MLLT3: variants seen among roughly 807,000 people sequenced by gnomAD.
MLLT3 encodes the protein MLLT3 super elongation complex subunit.
Under a neutral mutation model 53.2 loss-of-function variants are expected in MLLT3, and 4 were observed. The ratio of observed to expected loss-of-function variants is 0.08; its 90% confidence interval spans 0.04 to 0.17. MLLT3 has a LOEUF of 0.17. MLLT3 is among the 10% of genes least tolerant of loss of function. The probability of loss-of-function intolerance (pLI) is 1.00; values close to 1 mark genes in which losing one functional copy is unlikely to be tolerated. For synonymous variants in MLLT3, 283 were observed against 230.6 expected, an observed-to-expected ratio of 1.23 and a Z score of -2.06; for missense variants, 569 against 684.0, an observed-to-expected ratio of 0.83 and a Z score of 1.87.
chr9:20,423,546 C>T (rs184293537), intron 4 of MLLT3, among the ~76,000 whole-genome samples: 8 of 151,978 alleles, frequency 5.3e-5, no homozygotes, highest in Admixed American at 1.3e-4. Context: ...GGTACAGTGG[C>T]TCATACCTGT....
At chr9:20,571,147 C>G (rs375320087) in intron 2 of MLLT3, among the ~76,000 whole-genome samples, 3 of 152,328 alleles carry the variant, frequency 2.0e-5, no homozygotes, top group East Asian at 1.9e-4. Context: ...CCTTGGGAAA[C>G]AAAGATTTAT....
At chr9:20,474,529 G>C (rs777075746) in intron 2 of MLLT3, among the ~76,000 whole-genome samples, 4 of 151,802 alleles carry the variant, frequency 2.6e-5, no homozygotes, top group African/African-American at 9.7e-5. Flanking sequence ...TACAAGGCTC[G>C]GTCTACCACC....
At chr9:20,597,318 T>G (rs1345312038) in intron 2 of MLLT3, among the ~76,000 whole-genome samples, 2 of 151,902 alleles carry the variant, frequency 1.3e-5, no homozygotes, top group African/African-American at 4.8e-5. Flanking sequence ...TACTATAAAG[T>G]TGTTATTTAA....
At chr9:20,378,243 C>T (rs1470890612) in intron 5 of MLLT3, among the ~76,000 whole-genome samples, 1 of 151,946 alleles carries the variant, frequency 6.6e-6, no homozygotes. Flanking sequence ...ATTGGGGATA[C>T]AGGTTTACAG....
chr9:20,379,306 A>G (rs928821750), intron 5 of MLLT3, among the ~76,000 whole-genome samples: 1 of 152,082 alleles, frequency 6.6e-6, no homozygotes, highest in African/African-American at 2.4e-5. Flanking sequence ...CACTTTAAAT[A>G]CACTGAAGTC....
intron 5 of MLLT3, among the ~76,000 whole-genome samples, chr9:20,407,855 A>T (rs982990419): frequency 2.6e-5 from 4 of 152,198 alleles, no homozygotes; most frequent in Non-Finnish European, 4.4e-5. Context: ...CTAACAGACT[A>T]AACACTCAAG....
intron 7 of MLLT3, 32 bp from the exon 8 acceptor site, chr9:20,360,873 T>A (rs371787030): frequency 1.9e-6 from 3 of 1,552,436 alleles, no homozygotes; most frequent in Non-Finnish European, 2.7e-6. Flanking sequence ...ATGCACATCA[T>A]TACAAACAGA....
intron 2 of MLLT3, among the ~76,000 whole-genome samples, chr9:20,550,505 A>C (rs561198765): frequency 7.0e-4 from 106 of 152,222 alleles, no homozygotes; most frequent in South Asian, 3.3e-3. Flanking sequence ...ATCACAGCTC[A>C]CCATAACCTC....
At chr9:20,521,018 A>G (rs1169689134) in intron 2 of MLLT3, among the ~76,000 whole-genome samples, 6 of 152,118 alleles carry the variant, frequency 3.9e-5, no homozygotes, top group Non-Finnish European at 7.4e-5. Context: ...CCTTTGAAAT[A>G]ATTTTTTTAA....
intron 5 of MLLT3, among the ~76,000 whole-genome samples, chr9:20,371,750 A>G (rs1363200906): frequency 6.6e-6 from 1 of 152,234 alleles, no homozygotes; most frequent in Non-Finnish European, 1.5e-5. Context: ...TAATACATCT[A>G]TTCTGTAGCT....
At chr9:20,357,698 T>G (rs1157779711) in intron 8 of MLLT3, among the ~76,000 whole-genome samples, 2 of 152,168 alleles carry the variant, frequency 1.3e-5, no homozygotes, top group African/African-American at 2.4e-5. Flanking sequence ...ATGAAAATAT[T>G]TGACTCCATT....
chr9:20,363,593 GACCTCA>G lies in MLLT3; in HGVS notation c.1208_1213del (p.Leu403_Arg404del). 1.2e-6 allele frequency: 2 copies of G among 1,613,424 alleles called. No homozygotes were observed. Among genetic ancestry groups the G allele is most frequent in the Non-Finnish European group, 1.7e-6 (2 of 1,179,874 alleles). On this transcript the variant is annotated inframe_deletion, in exon 7 of 11. Transcript: ENST00000380338. ...ATCAGAATGCAGATCTTTCATTATA[GACCTCA>G]AAGGACCTGAGTAATGACAATGAAC...
intron 8 of MLLT3, among the ~76,000 whole-genome samples, chr9:20,358,960 C>T (rs868588084): frequency 3.3e-5 from 5 of 151,790 alleles, no homozygotes; most frequent in African/African-American, 7.3e-5. Flanking sequence ...TCCTGGCCAA[C>T]ATGGTGAAAC....
chr9:20,503,919 G>A (rs1449513472), intron 2 of MLLT3, among the ~76,000 whole-genome samples: 1 of 152,068 alleles, frequency 6.6e-6, no homozygotes, highest in Non-Finnish European at 1.5e-5. Flanking sequence ...CTCAAAAGAC[G>A]ACATACAAAT....
At chr9:20,455,927 C>CTTTTTT (rs780438955) in intron 3 of MLLT3, among the ~76,000 whole-genome samples, 2 of 116,874 alleles carry the variant, frequency 1.7e-5, no homozygotes, top group African/African-American at 3.3e-5. Flanking sequence ...CTGCTAAAAA[C>CTTTTTT]TTTTTTTTTT....
At chr9:20,603,349 G>C (rs1293380406) in intron 2 of MLLT3, among the ~76,000 whole-genome samples, 1 of 151,880 alleles carries the variant, frequency 6.6e-6, no homozygotes, top group East Asian at 1.9e-4. Context: ...TTACCTCTTA[G>C]GTCAAATCTG....
At position 20,414,272 on chromosome 9, in the gene MLLT3, T is replaced by G. The variant is rs1239623801; in HGVS notation, c.574A>C (p.Ser192Arg). The G allele has an allele frequency of 6.2e-7, 1 of 1,613,442 alleles. No homozygotes were observed. Among genetic ancestry groups the G allele is most frequent in the African/African-American group, 1.3e-5 (1 of 74,884 alleles). Residue 192 changes from serine (S) to arginine (R), a missense_variant, in exon 5 of 11, where the codon AGT becomes CGT. Transcript: ENST00000380338. ...ATTAATTTGTGAGGCTTTGAAAAACTGGTACTACTGCTGCTGCTGCTGCTG... is the reference window on the plus strand; with the variant it reads ...ATTAATTTGTGAGGCTTTGAAAAACGGGTACTACTGCTGCTGCTGCTGCTG... ...SSSSSSSSST[S>R]FSKPHKLMKE...
intron 2 of MLLT3, among the ~76,000 whole-genome samples, chr9:20,461,519 G>A (rs958180455): frequency 2.6e-5 from 4 of 151,856 alleles, no homozygotes; most frequent in Non-Finnish European, 4.4e-5. Context: ...AGCTATGCTT[G>A]GTACAGAGAA....
At chr9:20,564,689 A>C (rs1819302996) in intron 2 of MLLT3, among the ~76,000 whole-genome samples, 1 of 152,168 alleles carries the variant, frequency 6.6e-6, no homozygotes, top group Non-Finnish European at 1.5e-5. Context: ...AAATCATTTA[A>C]TTCTGCCAAT....
Sources: allele counts gnomAD v4.1 joint callset (sites outside exome capture counted in the v4.1 genomes callset), GRCh38; gene constraint gnomAD v4.1.1; transcripts MANE v1.5; gene names NCBI Gene and HGNC (gene_info 2026-07-23, HGNC 2026-07-21).